Variants in PLXNB1 observed in about 807,000 individuals in gnomAD.
The protein encoded by PLXNB1 is plexin B1, also known as plexin-B1.
A neutral mutation model predicts 209.4 loss-of-function variants in PLXNB1; 106 were observed. The observed-to-expected ratio is 0.51, with a 90% CI of 0.43 to 0.59. PLXNB1 has a LOEUF of 0.59. Ranked by LOEUF, PLXNB1 falls within the 20% of genes least tolerant of loss-of-function variation. The pLI is 0.00. For missense variants in PLXNB1, 2,357 were observed against 2,853.2 expected (o/e 0.83, Z 3.96); for synonymous variants, 1,167 against 1,183.2 (o/e 0.99, Z 0.28).
Position 48,415,147 on chromosome 3 carries a change from G to A in PLXNB1, c.3966+29C>T. On this transcript the variant is annotated intron_variant, in intron 20 of 37. Coordinates refer to ENST00000296440, the MANE Select transcript of PLXNB1 (RefSeq NM_001130082.3). This position sits in a 1 kb window ranked among gnomAD's most constrained non-coding sequence, Gnocchi z 5.0. ...CAGGGTGTGGTATGGGGCAAGGGGA[G>A]AGTGTGGGGGTACCCAAGGGTGTCC... is the stretch of plus-strand genomic sequence containing the variant. The A allele has an allele frequency of 6.2e-7, 1 of 1,607,622 alleles. No homozygotes were observed. Among genetic ancestry groups the A allele is most frequent in the South Asian group, 1.1e-5 (1 of 90,990 alleles).
intron 8 of PLXNB1, 106 bp downstream of exon 8, chr3:48,421,122 G>C: frequency 7.1e-7 from 1 of 1,409,982 alleles, no homozygotes; most frequent in Non-Finnish European, 9.8e-7. Flanking sequence ...AGGACCCAGA[G>C]AAAGGCATCC....
At chr3:48,422,285 G>A (rs1317730259) in intron 5 of PLXNB1, 46 bp downstream of exon 5, 1 of 1,611,282 alleles carries the variant, frequency 6.2e-7, no homozygotes, top group South Asian at 1.1e-5. Flanking sequence ...GCCCCACCCA[G>A]AGGCCCCTCC....
Position 48,405,027 on chromosome 3 carries a change from G to A in PLXNB1, c.6304-437C>T, listed in dbSNP as rs564205938. Among the ~76,000 whole-genome samples the A allele has an allele frequency of 3.3e-5, 5 of 152,278 alleles. No individual in the cohort carries two copies. Among genetic ancestry groups the A allele is most frequent in the South Asian group, 2.1e-4 (1 of 4,828 alleles). On this transcript the variant is annotated intron_variant, in intron 37 of 37. Transcript: ENST00000296440. The surrounding 1 kb of genome is among the most constrained non-coding windows in gnomAD (Gnocchi z 5.0). ...GCCACCAAGGGAACCGGTAGGAACC[G>A]GAGGGCAGCAGCACTTGGGAAAACA...
At position 48,412,966 on chromosome 3, in the gene PLXNB1, A is replaced by G. The variant is rs373356445; in HGVS notation, c.4637-7T>C. 32 of 1,613,832 alleles carry G rather than the reference A, an allele frequency of 2.0e-5. No individual in the cohort carries two copies. The East Asian group carries it at 6.2e-4, about 31-fold the overall frequency. ...GTCATCTCAGTCATGAGGTCTGTTAAGCAGAAGAGGCCAGGTTAAGCACCT... is the reference window on the plus strand; with the variant it reads ...GTCATCTCAGTCATGAGGTCTGTTAGGCAGAAGAGGCCAGGTTAAGCACCT... On this transcript the variant is annotated splice_polypyrimidine_tract_variant and splice_region_variant and intron_variant, in intron 24 of 37. Coordinates refer to ENST00000296440, the MANE Select transcript of PLXNB1 (RefSeq NM_001130082.3).
rs1374625261 is a variant in PLXNB1 at position 48,422,591 on chromosome 3, G to A, written c.1291-132C>T. The A allele has an allele frequency of 5.5e-6, 7 of 1,282,320 alleles. No homozygotes were observed. In the South Asian group the frequency reaches 1.1e-4, roughly 20 times the overall value. 79.4% of individuals were successfully genotyped at this position (1,282,320 alleles called of 1,614,324 possible). On this transcript the variant is annotated intron_variant, in intron 4 of 37. Coordinates refer to ENST00000296440, the MANE Select transcript of PLXNB1 (RefSeq NM_001130082.3). Reference sequence around the variant, plus strand: ...AGGCAGTCACAGGTCATACCAACTGGCCTAGCGGGGATGGAGGAAAGTCAC... The same window carrying A: ...AGGCAGTCACAGGTCATACCAACTGACCTAGCGGGGATGGAGGAAAGTCAC...
Position 48,417,050 on chromosome 3 carries a change from A to C in PLXNB1, c.3375-599T>G, listed in dbSNP as rs549403028. Reference sequence around the variant, plus strand: ...TGCAAACACTAGGAAGACACAAGTGACGTGTGAGCCACCCAGGGGAGGCTC... The same window carrying C: ...TGCAAACACTAGGAAGACACAAGTGCCGTGTGAGCCACCCAGGGGAGGCTC... On this transcript the variant is annotated intron_variant, in intron 16 of 37. Transcript: ENST00000296440. This position sits in a 1 kb window ranked among gnomAD's most constrained non-coding sequence, Gnocchi z 4.4. Among the ~76,000 whole-genome samples the C allele has an allele frequency of 6.6e-6, 1 of 152,332 alleles. No individual in the cohort carries two copies. Among genetic ancestry groups the C allele is most frequent in the East Asian group, 1.9e-4 (1 of 5,180 alleles).
chr3:48,428,370 G>A (rs577787915), intron 1 of PLXNB1, among the ~76,000 whole-genome samples: 1 of 152,076 alleles, frequency 6.6e-6, no homozygotes, highest in African/African-American at 2.4e-5. Flanking sequence ...GCCTAACTCT[G>A]CCTGTGCCCA....
At chr3:48,420,814 A>G (rs747227637) in intron 9 of PLXNB1, 34 bp downstream of exon 9, 1 of 1,610,638 alleles carries the variant, frequency 6.2e-7, no homozygotes, top group Admixed American at 1.7e-5. Context: ...CGCCACAGGG[A>G]AGCCCAGGCC....
Position 48,429,339 on chromosome 3 carries a change from G to A in PLXNB1, c.-60+669C>T, listed in dbSNP as rs2039066891. On this transcript the variant is annotated intron_variant, in intron 1 of 37. Coordinates refer to ENST00000296440, the MANE Select transcript of PLXNB1 (RefSeq NM_001130082.3). This position sits in a 1 kb window ranked among gnomAD's most constrained non-coding sequence, Gnocchi z 6.4. ...GCTCCGCGCGCAGCGGCCTCTCCCC[G>A]GGTCTGGCGGAGCCGCAGCTGTTAC... 1.3e-5 allele frequency: 2 copies of A among 151,268 alleles called. No homozygotes were observed. The highest frequency in any genetic ancestry group is 2.4e-5 in the African/African-American group (1 of 41,314). The allele number at this position is 151,268 out of a possible 1,614,324, so 9.4% of individuals were successfully genotyped here. A position where few individuals can be genotyped will look rare whatever the true frequency, so the allele number is the denominator to read the frequency against.
chr3:48,415,951 T>C lies in PLXNB1; in HGVS notation c.3617+80A>G. ...AGCAGACTGGCCCTCTTCCCCTTTC[T>C]GCTCTCCCCAGGATCTCAGACCCCT... On this transcript the variant is annotated intron_variant, in intron 18 of 37. Transcript: ENST00000296440. This position sits in a 1 kb window ranked among gnomAD's most constrained non-coding sequence, Gnocchi z 5.0. 1.3e-6 allele frequency: 2 copies of C among 1,495,514 alleles called. No homozygotes were observed. Among genetic ancestry groups the C allele is most frequent in the Non-Finnish European group, 1.8e-6 (2 of 1,106,322 alleles). 92.6% of individuals were successfully genotyped at this position (1,495,514 alleles called of 1,614,324 possible).
chr3:48,426,603 A>G (rs925875531), intron 1 of PLXNB1, among the ~76,000 whole-genome samples: 2 of 152,228 alleles, frequency 1.3e-5, no homozygotes, highest in African/African-American at 4.8e-5. Flanking sequence ...AGGGTCCAGC[A>G]GCCTGGTGGA....
intron 1 of PLXNB1, among the ~76,000 whole-genome samples, chr3:48,428,373 T>C (rs545105301): frequency 3.1e-4 from 47 of 152,128 alleles, no homozygotes; most frequent in African/African-American, 1.1e-3. Flanking sequence ...TAACTCTGCC[T>C]GTGCCCAGTG....
In PLXNB1 at chr3:48,412,197, C is replaced by T. The variant is rs756679956; in HGVS notation, c.5100+41G>A. On this transcript the variant is annotated intron_variant, in intron 27 of 37. Coordinates refer to ENST00000296440, the MANE Select transcript of PLXNB1 (RefSeq NM_001130082.3). ...GGGCTTAGAAGTTTGGAGGGCCTGA[C>T]CCTCCCTGGACAGGAGCCCTGTCCA... 3 of 1,601,050 alleles carry T rather than the reference C, an allele frequency of 1.9e-6. No individual in the cohort carries two copies. In the South Asian group the frequency reaches 3.3e-5, roughly 18 times the overall value.
In PLXNB1 at chr3:48,413,261, C is replaced by T. The variant is rs1227160379; in HGVS notation, c.4536-92G>A. On this transcript the variant is annotated intron_variant, in intron 23 of 37. Transcript: ENST00000296440. This position sits in a 1 kb window ranked among gnomAD's most constrained non-coding sequence, Gnocchi z 5.4. ...TCCCCAGGCACACCCCGGCCTCATC[C>T]AGCACAGTCCAATGCAGCCATGCCA... 2 of 991,954 alleles carry T rather than the reference C, an allele frequency of 2.0e-6. No homozygotes were observed. Among genetic ancestry groups the T allele is most frequent in the East Asian group, 2.4e-5 (1 of 41,994 alleles). The allele number at this position is 991,954 out of a possible 1,614,324, so 61.4% of individuals were successfully genotyped here. A position where few individuals can be genotyped will look rare whatever the true frequency, so the allele number is the denominator to read the frequency against.
In PLXNB1 at chr3:48,411,157, C is replaced by T; in HGVS notation, c.5248-121G>A. ...CTCCAATCCCCACGCACCACACAATCCCTAATTCTCGTCTCTTCACCTGCC... is the reference window on the plus strand; with the variant it reads ...CTCCAATCCCCACGCACCACACAATTCCTAATTCTCGTCTCTTCACCTGCC... On this transcript the variant is annotated intron_variant, in intron 28 of 37. Coordinates refer to ENST00000296440, the MANE Select transcript of PLXNB1 (RefSeq NM_001130082.3). This position sits in a 1 kb window ranked among gnomAD's most constrained non-coding sequence, Gnocchi z 4.0. 1 of 806,722 alleles carries T rather than the reference C, an allele frequency of 1.2e-6. No homozygotes were observed. Among genetic ancestry groups the T allele is most frequent in the Non-Finnish European group, 1.9e-6 (1 of 523,270 alleles). 50.0% of individuals were successfully genotyped at this position (806,722 alleles called of 1,614,324 possible).
Position 48,422,145 on chromosome 3 carries a change from G to A in PLXNB1, c.1480C>T (p.His494Tyr), listed in dbSNP as rs753448422. The change falls in exon 6 of 38, where the codon CAC becomes TAC. Residue 494 changes from histidine to tyrosine, a missense_variant. Physicochemically the swap from His to Tyr is moderately conservative, Grantham distance 83. This residue lies in a region of PLXNB1 where 214 missense variants were observed against 297.1 expected (regional missense o/e 0.72). Transcript: ENST00000296440. ...QHLDCASCLAHRDPYCGWCVL... is the reference protein window; with the variant it reads ...QHLDCASCLAYRDPYCGWCVL... ...CACCACCCACAGTATGGGTCCCTGTGAGCAAGGCAAGATGCACAGTCCAGG... is the reference window on the plus strand; with the variant it reads ...CACCACCCACAGTATGGGTCCCTGTAAGCAAGGCAAGATGCACAGTCCAGG... The A allele has an allele frequency of 1.5e-5, 24 of 1,614,040 alleles. No homozygotes were observed. The East Asian group carries it at 5.1e-4, about 34-fold the overall frequency.
In PLXNB1 at chr3:48,423,868, T is replaced by C; in HGVS notation, c.744A>G (p.Val248=). 5 of 1,613,944 alleles carry C rather than the reference T, an allele frequency of 3.1e-6. No individual in the cohort carries two copies. The highest frequency in any genetic ancestry group is 4.2e-6 in the Non-Finnish European group (5 of 1,179,996). Residue 248 remains valine, a synonymous_variant, in exon 3 of 38, where the codon GTA becomes GTG. Transcript: ENST00000296440. ...QAQSRAFRAY[V]SRVCLRDQHY... Reference sequence around the variant, plus strand: ...GCTGGTCCCGGAGACACACTCGAGATACATAGGCACGAAAAGCTCTAGACT... The same window carrying C: ...GCTGGTCCCGGAGACACACTCGAGACACATAGGCACGAAAAGCTCTAGACT...
At chr3:48,425,081 T>G (rs1263616390) in intron 2 of PLXNB1, among the ~76,000 whole-genome samples, 200 bp downstream of exon 2, 4 of 152,084 alleles carry the variant, frequency 2.6e-5, no homozygotes, top group African/African-American at 9.7e-5. Flanking sequence ...AATGTTAGAA[T>G]CAAGACAAGA....
chr3:48,425,707 G>A (rs961266159), intron 1 of PLXNB1, among the ~76,000 whole-genome samples: 1 of 152,100 alleles, frequency 6.6e-6, no homozygotes, highest in Admixed American at 6.5e-5. Context: ...TACACAGCCA[G>A]GGGCTGTCCC....
Sources: allele counts gnomAD v4.1 joint callset (sites outside exome capture counted in the v4.1 genomes callset), GRCh38; gene constraint gnomAD v4.1.1; regional missense constraint gnomAD v4.1.1; non-coding constraint Gnocchi (gnomAD v3.1); transcripts MANE v1.5; gene names NCBI Gene and HGNC (gene_info 2026-07-23, HGNC 2026-07-21).